Variants in TRAPPC9 observed in about 807,000 individuals in gnomAD.
The protein encoded by TRAPPC9 is trafficking protein particle complex subunit 9.
Under a neutral mutation model 124.0 loss-of-function variants are expected in TRAPPC9, and 83 were observed. The ratio of observed to expected loss-of-function variants is 0.67; its 90% CI spans 0.56 to 0.80. The LOEUF is 0.80. TRAPPC9 is among the 30% of genes least tolerant of loss of function. The pLI is 0.00. For synonymous variants in TRAPPC9, 638 were observed against 617.5 expected (o/e 1.03, Z -0.49); for missense variants, 1,302 against 1,508.3 (o/e 0.86, Z 2.27).
In TRAPPC9 at chr8:140,115,821, C is replaced by T. The variant is rs557551534; in HGVS notation, c.2557-91742G>A. Among the ~76,000 whole-genome samples, 189 of 152,178 alleles carry T rather than the reference C, an allele frequency of 1.2e-3. 1 individual carries two copies. The highest frequency in any genetic ancestry group is 4.4e-3 in the African/African-American group (181 of 41,530). ...GCTACGGGTCACTGAGGATGCTGTGCCCGGGGCCCTTGTTCTCCTTCCAAG... is the reference window on the plus strand; with the variant it reads ...GCTACGGGTCACTGAGGATGCTGTGTCCGGGGCCCTTGTTCTCCTTCCAAG... On this transcript the variant is annotated intron_variant, in intron 17 of 22. Coordinates refer to ENST00000438773, the MANE Select transcript of TRAPPC9 (RefSeq NM_001160372.4).
chr8:140,425,661 G>A (rs1301015372), intron 5 of TRAPPC9, among the ~76,000 whole-genome samples: 1 of 151,966 alleles, frequency 6.6e-6, no homozygotes, highest in African/African-American at 2.4e-5. Context: ...CAGCCAAACT[G>A]GGGCTCAGCA....
At chr8:140,264,524 A>G (rs960394404) in intron 15 of TRAPPC9, among the ~76,000 whole-genome samples, 1 of 148,450 alleles carries the variant, frequency 6.7e-6, no homozygotes, top group African/African-American at 2.5e-5. Flanking sequence ...TCTGAGAACA[A>G]GGGGAAAGCT....
intron 17 of TRAPPC9, among the ~76,000 whole-genome samples, chr8:140,113,473 G>A (rs1483570009): frequency 6.6e-6 from 1 of 152,218 alleles, no homozygotes; most frequent in Non-Finnish European, 1.5e-5. Flanking sequence ...AATGTCGGGT[G>A]GTGATTTCTA....
At chr8:140,048,429 G>A (rs1227684901) in intron 17 of TRAPPC9, among the ~76,000 whole-genome samples, 2 of 152,092 alleles carry the variant, frequency 1.3e-5, no homozygotes, top group African/African-American at 4.8e-5. Flanking sequence ...GAAAGTCGGG[G>A]TGAGGGCAAC....
At chr8:140,410,202 CTTTTTATATA>C (rs1206642028) in intron 5 of TRAPPC9, among the ~76,000 whole-genome samples, 1 of 149,622 alleles carries the variant, frequency 6.7e-6, no homozygotes, top group Non-Finnish European at 1.5e-5. Flanking sequence ...CTGGGTAACC[CTTTTTATATA>C]GTTTTGATTT....
intron 19 of TRAPPC9, among the ~76,000 whole-genome samples, chr8:139,980,250 C>T (rs950843633): frequency 1.3e-5 from 2 of 152,300 alleles, no homozygotes; most frequent in Non-Finnish European, 2.9e-5. Context: ...TGTTACACCT[C>T]GGACACAGTT....
chr8:140,277,889 G>C (rs2065174543), intron 14 of TRAPPC9, among the ~76,000 whole-genome samples: 1 of 152,190 alleles, frequency 6.6e-6, no homozygotes, highest in African/African-American at 2.4e-5. Context: ...AAGGTCTATG[G>C]CGATGAGACT....
chr8:140,400,010 C>T (rs2069214148), intron 6 of TRAPPC9, among the ~76,000 whole-genome samples: 1 of 152,218 alleles, frequency 6.6e-6, no homozygotes, highest in African/African-American at 2.4e-5. Flanking sequence ...TTATCAGGAG[C>T]TTCCGCTTTG....
At position 140,125,655 on chromosome 8, in the gene TRAPPC9, C is replaced by T. The variant is rs528475232; in HGVS notation, c.2556+95804G>A. Among the ~76,000 whole-genome samples, 9 of 131,498 alleles carry T rather than the reference C, an allele frequency of 6.8e-5. 2 individuals carry two copies. The Middle Eastern group carries it at 0.035, about 517-fold the overall frequency. The allele number at this position is 131,498 out of a possible 152,430, so 86.3% of individuals were successfully genotyped here. A position where few individuals can be genotyped will look rare whatever the true frequency, so the allele number is the denominator to read the frequency against. ...TGTCACCCAGGCTGGAGTGCAGTGG[C>T]GCGATCTCGGCTCACCACAAGCTCC... On this transcript the variant is annotated intron_variant, in intron 17 of 22. Transcript: ENST00000438773.
intron 17 of TRAPPC9, among the ~76,000 whole-genome samples, chr8:140,121,316 G>C (rs2060982054): frequency 6.6e-6 from 1 of 152,240 alleles, no homozygotes; most frequent in Admixed American, 6.5e-5. Flanking sequence ...GTTGGACCTT[G>C]AGATGCAAGA....
intron 7 of TRAPPC9, among the ~76,000 whole-genome samples, chr8:140,377,814 G>A (rs1012561724): frequency 6.6e-6 from 1 of 152,128 alleles, no homozygotes; most frequent in Non-Finnish European, 1.5e-5. Flanking sequence ...TGTCAGATTA[G>A]ATGGACACGG....
At chr8:140,168,786 C>T (rs1008374778) in intron 17 of TRAPPC9, among the ~76,000 whole-genome samples, 1 of 152,188 alleles carries the variant, frequency 6.6e-6, no homozygotes, top group African/African-American at 2.4e-5. Context: ...TTCACTCTCT[C>T]CAGCTTCATG....
chr8:140,405,820 T>G (rs1378825552), intron 5 of TRAPPC9, 122 bp from the exon 6 acceptor site: 1 of 1,126,280 alleles, frequency 8.9e-7, no homozygotes, highest in African/African-American at 1.5e-5. Context: ...ATAATGTAAG[T>G]GTTTAGTCTT....
intron 17 of TRAPPC9, among the ~76,000 whole-genome samples, chr8:140,181,316 A>C (rs967680393): frequency 6.6e-6 from 1 of 152,226 alleles, no homozygotes; most frequent in Non-Finnish European, 1.5e-5. Flanking sequence ...GATGGACTGC[A>C]GTGGTGTGAT....
At chr8:139,930,687 G>T (rs1833088420) in intron 19 of TRAPPC9, among the ~76,000 whole-genome samples, 1 of 152,194 alleles carries the variant, frequency 6.6e-6, no homozygotes, top group African/African-American at 2.4e-5. Context: ...ATTTTGCAAT[G>T]AGATTTCGTT....
intron 17 of TRAPPC9, among the ~76,000 whole-genome samples, chr8:140,109,237 C>T (rs1270092232): frequency 6.6e-6 from 1 of 152,104 alleles, no homozygotes; most frequent in East Asian, 1.9e-4. Context: ...CAGGACAACC[C>T]AAGTGATTCC....
intron 19 of TRAPPC9, among the ~76,000 whole-genome samples, chr8:139,971,750 C>CACACACACACAT (rs1836093065): frequency 2.1e-5 from 1 of 47,376 alleles, no homozygotes; most frequent in Non-Finnish European, 4.9e-5. Context: ...TATATATATA[C>CACACACACACAT]ACACACACAC....
intron 7 of TRAPPC9, among the ~76,000 whole-genome samples, chr8:140,385,662 G>T (rs1457054577): frequency 1.3e-5 from 2 of 152,188 alleles, no homozygotes; most frequent in Non-Finnish European, 2.9e-5. Flanking sequence ...AGCTGAAATT[G>T]AAGCAATAAT....
intron 16 of TRAPPC9, among the ~76,000 whole-genome samples, chr8:140,251,283 GGAA>G (rs750910726): frequency 5.1e-4 from 77 of 152,208 alleles, no homozygotes; most frequent in Middle Eastern, 6.8e-3. Flanking sequence ...CCCCTTCTTG[GGAA>G]GAAGAAGTCA....
Sources: allele counts gnomAD v4.1 joint callset (sites outside exome capture counted in the v4.1 genomes callset), GRCh38; gene constraint gnomAD v4.1.1; transcripts MANE v1.5; gene names NCBI Gene and HGNC (gene_info 2026-07-23, HGNC 2026-07-21).